IL1RAPL2: variants seen among roughly 807,000 people sequenced by gnomAD.
IL1RAPL2 encodes the protein interleukin 1 receptor accessory protein like 2.
IL1RAPL2 carries 3 observed loss-of-function variants against 44.1 expected under a neutral mutation model. The observed-to-expected ratio is 0.07, with a 90% confidence interval of 0.03 to 0.18. The LOEUF (loss-of-function observed/expected upper bound fraction) is 0.18, where lower values mean the gene tolerates loss of function less well. Ranked by LOEUF, IL1RAPL2 falls within the 10% of genes least tolerant of loss-of-function variation. The pLI, the probability that IL1RAPL2 is intolerant of heterozygous loss-of-function variation, is 1.00. For synonymous variants in IL1RAPL2, 181 were observed against 178.8 expected (o/e 1.01, Z -0.10); for missense variants, 391 against 496.4 (o/e 0.79, Z 2.02).
intron 6 of IL1RAPL2, among the ~76,000 whole-genome samples, chrX:105,495,583 G>T (rs1161987309): frequency 8.9e-6 from 1 of 111,734 alleles, no homozygotes; most frequent in Non-Finnish European, 1.9e-5. Context: ...GGTGTTGACT[G>T]TATATCTGTT....
At chrX:104,876,903 C>T (rs1321291913) in intron 2 of IL1RAPL2, among the ~76,000 whole-genome samples, 1 of 109,412 alleles carries the variant, frequency 9.1e-6, no homozygotes, top group East Asian at 2.9e-4. Flanking sequence ...CAACAGTCCC[C>T]AGAGTGTAAT....
At chrX:104,830,629 G>A (rs1392011012) in intron 2 of IL1RAPL2, among the ~76,000 whole-genome samples, 1 of 111,636 alleles carries the variant, frequency 9.0e-6, no homozygotes, top group Non-Finnish European at 1.9e-5. Context: ...CATCCATAAT[G>A]TTACAGTGTA....
chrX:105,548,806 A>G (rs1286587705), intron 6 of IL1RAPL2, among the ~76,000 whole-genome samples: 1 of 112,326 alleles, frequency 8.9e-6, no homozygotes, highest in Non-Finnish European at 1.9e-5. Flanking sequence ...TAACATATGT[A>G]AATGGATTAA....
At chrX:104,910,171 T>G (rs1736920039) in intron 2 of IL1RAPL2, among the ~76,000 whole-genome samples, 1 of 112,491 alleles carries the variant, frequency 8.9e-6, no homozygotes. Context: ...CCCTGACCCC[T>G]TGCGCTTCCC....
chrX:105,083,501 C>A lies in IL1RAPL2; in HGVS notation c.83-111974C>A, dbSNP rs1405035833. ...TCTACTTTGTCAAGTAGAGCGACCC[C>A]AAGACACATAATTATCAGATTCCCC... On this transcript the variant is annotated intron_variant, in intron 2 of 10. Transcript: ENST00000372582. Among the ~76,000 whole-genome samples, 3 of 110,619 alleles carry A rather than the reference C, an allele frequency of 2.7e-5. No individual in the cohort carries two copies. The East Asian group carries it at 8.5e-4, about 31-fold the overall frequency.
chrX:104,634,008 G>A (rs1312696119), intron 1 of IL1RAPL2, among the ~76,000 whole-genome samples: 1 of 110,629 alleles, frequency 9.0e-6, no homozygotes, highest in Non-Finnish European at 1.9e-5. Context: ...TCTACACACT[G>A]CTTTGAATGT....
At chrX:105,214,938 A>G (rs1289108681) in intron 3 of IL1RAPL2, among the ~76,000 whole-genome samples, 1 of 112,560 alleles carries the variant, frequency 8.9e-6, no homozygotes, top group Non-Finnish European at 1.9e-5. Flanking sequence ...AATGTACCAG[A>G]ATCTCTGGGA....
intron 7 of IL1RAPL2, 123 bp from the exon 8 acceptor site, chrX:105,740,423 G>A: frequency 3.3e-5 from 21 of 639,287 alleles, no homozygotes; most frequent in Non-Finnish European, 4.8e-5. Context: ...CATACACCCA[G>A]CCAGGATTCT....
chrX:105,447,854 AATAT>A (rs2035983513), intron 5 of IL1RAPL2, among the ~76,000 whole-genome samples: 3 of 92,844 alleles, frequency 3.2e-5, no homozygotes, highest in African/African-American at 8.0e-5. Flanking sequence ...TAAATATATA[AATAT>A]ATATAAATAT....
intron 2 of IL1RAPL2, among the ~76,000 whole-genome samples, chrX:104,929,452 C>A (rs1924846423): frequency 8.9e-6 from 1 of 111,854 alleles, no homozygotes; most frequent in South Asian, 3.8e-4. Context: ...AACATTAGCC[C>A]TCAGAGCTTT....
chrX:104,681,313 C>T (rs1003706192), intron 2 of IL1RAPL2, among the ~76,000 whole-genome samples: 4 of 111,979 alleles, frequency 3.6e-5, no homozygotes, highest in Non-Finnish European at 7.5e-5. Flanking sequence ...GTTATTAAAA[C>T]GAAGTTCATA....
At chrX:104,574,827 G>A (rs1415440946) in intron 1 of IL1RAPL2, among the ~76,000 whole-genome samples, 1 of 112,037 alleles carries the variant, frequency 8.9e-6, no homozygotes, top group Non-Finnish European at 1.9e-5. Context: ...ACTTGTTTAT[G>A]TATTTGTGTA....
chrX:104,902,072 A>T (rs1000178630), intron 2 of IL1RAPL2, among the ~76,000 whole-genome samples: 7 of 111,967 alleles, frequency 6.3e-5, no homozygotes, highest in Non-Finnish European at 1.3e-4. Context: ...CTATCAGCAG[A>T]TTCTAGACCC....
Position 104,951,371 on chromosome X carries a change from C to G in IL1RAPL2, c.83-244104C>G, listed in dbSNP as rs753864572. On this transcript the variant is annotated intron_variant, in intron 2 of 10. Transcript: ENST00000372582. The stretch of plus-strand genomic sequence containing the variant: ...TGAATAGGCAAGAAAATAGCTAAAC[C>G]TAATAGTCAGGAAATGTAAGACCTA... Among the ~76,000 whole-genome samples the G allele has an allele frequency of 2.3e-4, 26 of 112,002 alleles. No homozygotes were observed. The East Asian group carries it at 7.3e-3, about 31-fold the overall frequency.
intron 2 of IL1RAPL2, among the ~76,000 whole-genome samples, chrX:105,073,354 TC>T (rs1375675196): frequency 9.3e-6 from 1 of 107,111 alleles, no homozygotes; most frequent in East Asian, 3.0e-4. Context: ...TTCATCCGTG[TC>T]CCTACAAAGG....
intron 10 of IL1RAPL2, among the ~76,000 whole-genome samples, chrX:105,763,074 T>G (rs2147597749): frequency 9.0e-6 from 1 of 111,565 alleles, no homozygotes; most frequent in East Asian, 2.8e-4. Context: ...TATTTGGAAC[T>G]TTTCCAAACC....
At chrX:104,868,266 C>T (rs974974606) in intron 2 of IL1RAPL2, among the ~76,000 whole-genome samples, 2 of 111,929 alleles carry the variant, frequency 1.8e-5, no homozygotes, top group African/African-American at 6.5e-5. Flanking sequence ...AGAATATATT[C>T]TTGATATGCT....
At chrX:104,939,050 C>CTTTTT (rs60881835) in intron 2 of IL1RAPL2, among the ~76,000 whole-genome samples, 10 of 81,454 alleles carry the variant, frequency 1.2e-4, no homozygotes, top group Non-Finnish European at 1.6e-4. Flanking sequence ...TGCATGCTAG[C>CTTTTT]TTTTTTTTTT....
At chrX:105,234,454 A>T (rs782493715) in intron 4 of IL1RAPL2, among the ~76,000 whole-genome samples, 16 of 111,898 alleles carry the variant, frequency 1.4e-4, no homozygotes, top group Non-Finnish European at 2.1e-4. Flanking sequence ...CCAGTACAGG[A>T]TGTATAAACA....
Sources: gnomAD v4.1 joint callset for allele counts (sites outside exome capture counted in the v4.1 genomes callset) on GRCh38, gnomAD v4.1.1 for gene constraint, MANE v1.5 for transcripts, NCBI Gene and HGNC (gene_info 2026-07-23, HGNC 2026-07-21) for gene names.